The following GRID1 variants were observed in gnomAD, a reference collection of about 807,000 sequenced individuals.
GRID1 encodes the protein glutamate ionotropic receptor delta type subunit 1, also known as glutamate receptor ionotropic, delta-1.
GRID1 carries 28 observed loss-of-function variants against 98.0 expected under a neutral mutation model. The observed-to-expected ratio is 0.29, with a 90% CI of 0.21 to 0.39. The LOEUF is 0.39. GRID1 is among the 10% of genes least tolerant of loss of function. The pLI is 1.00. For missense variants in GRID1, 1,111 were observed against 1,340.5 expected (o/e 0.83, Z 2.67); for synonymous variants, 553 against 538.5 (o/e 1.03, Z -0.37).
At chr10:85,612,256 T>G (rs1842741157) in intron 15 of GRID1, among the ~76,000 whole-genome samples, 2 of 152,126 alleles carry the variant, frequency 1.3e-5, no homozygotes, top group African/African-American at 4.8e-5. Context: ...ACACACATGG[T>G]GGACCCAGCC....
chr10:86,104,797 G>C (rs903445409), intron 4 of GRID1, among the ~76,000 whole-genome samples: 4 of 152,182 alleles, frequency 2.6e-5, no homozygotes, highest in Admixed American at 2.0e-4. Context: ...ATTCAGCCTG[G>C]TATCTTATTC....
chr10:85,779,445 C>T (rs2132724410), intron 8 of GRID1, among the ~76,000 whole-genome samples: 1 of 152,256 alleles, frequency 6.6e-6, no homozygotes, highest in South Asian at 2.1e-4. Context: ...CCACTGGCTA[C>T]TGCATGCCAG....
chr10:85,724,922 C>A (rs1279216522), intron 10 of GRID1, among the ~76,000 whole-genome samples: 1 of 152,164 alleles, frequency 6.6e-6, no homozygotes, highest in East Asian at 1.9e-4. Flanking sequence ...AGAAAAGAGC[C>A]GAGTAAAGTA....
chr10:86,227,989 T>C (rs375643510), intron 2 of GRID1, among the ~76,000 whole-genome samples: 1 of 151,890 alleles, frequency 6.6e-6, no homozygotes, highest in African/African-American at 2.4e-5. Context: ...GGTGAATGGA[T>C]AGATCAACAG....
At chr10:86,162,532 G>A (rs1288731086) in intron 3 of GRID1, among the ~76,000 whole-genome samples, 1 of 152,172 alleles carries the variant, frequency 6.6e-6, no homozygotes, top group Non-Finnish European at 1.5e-5. Context: ...CCATGGATAA[G>A]GCACATAGTA....
chr10:86,136,198 G>A (rs892330780), intron 4 of GRID1, among the ~76,000 whole-genome samples: 63 of 152,236 alleles, frequency 4.1e-4, no homozygotes, highest in South Asian at 2.1e-4. Flanking sequence ...GCATTCCCAG[G>A]TGTTCCTAGG....
At chr10:86,131,000 C>T (rs1564684705) in intron 4 of GRID1, among the ~76,000 whole-genome samples, 1 of 151,582 alleles carries the variant, frequency 6.6e-6, no homozygotes, top group Non-Finnish European at 1.5e-5. Flanking sequence ...ACACGTCCTG[C>T]GAGTGGGGTC....
chr10:85,930,237 TTAACTACAAATAACTTGCGGTTATTTA>T (rs1373832921), intron 4 of GRID1, among the ~76,000 whole-genome samples: 21,239 of 139,672 alleles, frequency 0.15, 3,635 homozygotes, highest in African/African-American at 0.23. Context: ...GCGGTTATTT[TTAACTACAAATAACTTGCGGTTATTTA>T]TAACTACAAA....
chr10:86,060,656 C>T, intron 4 of GRID1, among the ~76,000 whole-genome samples: 1 of 152,202 alleles, frequency 6.6e-6, no homozygotes, highest in East Asian at 1.9e-4. Context: ...GGGCGCTGGC[C>T]TGGACTGGTT....
At chr10:85,717,573 C>G (rs1841654010) in intron 12 of GRID1, among the ~76,000 whole-genome samples, 2 of 152,152 alleles carry the variant, frequency 1.3e-5, no homozygotes, top group Non-Finnish European at 2.9e-5. Context: ...CTGGGAGATA[C>G]AATTCAAGCT....
intron 4 of GRID1, among the ~76,000 whole-genome samples, chr10:86,102,511 CTG>C (rs1844310943): frequency 6.6e-6 from 1 of 152,228 alleles, no homozygotes; most frequent in Admixed American, 6.5e-5. Context: ...ACAGGGAAAA[CTG>C]GGGCTGGTGT....
Position 85,613,555 on chromosome 10 carries a change from C to A in GRID1, c.2453G>T (p.Ser818Ile). 6.2e-7 allele frequency: 1 copy of A among 1,614,202 alleles called. No individual in the cohort carries two copies. The highest frequency in any genetic ancestry group is 8.5e-7 in the Non-Finnish European group (1 of 1,180,042). ...MGRCDLTSHA[S>I]AQADGKSLKL... is the part of the protein sequence containing the mutation. Reference sequence around the variant, plus strand: ...GAGGGATTTGCCGTCGGCCTGGGCGCTGGCATGGCTGGTGAGGTCACAGCG... The same window carrying A: ...GAGGGATTTGCCGTCGGCCTGGGCGATGGCATGGCTGGTGAGGTCACAGCG... Residue 818 changes from serine to isoleucine, a missense_variant, in exon 15 of 16, where the codon AGC becomes ATC. By Grantham distance (142) the Ser-to-Ile change is moderately radical. Coordinates refer to ENST00000327946, the MANE Select transcript of GRID1 (RefSeq NM_017551.3).
chr10:85,617,235 C>G (rs941496463), intron 14 of GRID1, among the ~76,000 whole-genome samples: 50 of 141,410 alleles, frequency 3.5e-4, no homozygotes, highest in Non-Finnish European at 5.7e-4. Context: ...GCCCCCCCCC[C>G]CTTTTATTTT....
intron 8 of GRID1, among the ~76,000 whole-genome samples, chr10:85,812,058 G>T (rs1842676617): frequency 6.6e-6 from 1 of 152,172 alleles, no homozygotes; most frequent in South Asian, 2.1e-4. Context: ...TATAGAAAGT[G>T]CTGAAAGAAA....
At chr10:85,697,569 C>T (rs1379168790) in intron 12 of GRID1, among the ~76,000 whole-genome samples, 1 of 152,056 alleles carries the variant, frequency 6.6e-6, no homozygotes, top group Non-Finnish European at 1.5e-5. Context: ...GAAGACTGGT[C>T]CTGTTCCTTT....
At chr10:85,694,733 T>C (rs992132151) in intron 12 of GRID1, among the ~76,000 whole-genome samples, 11 of 150,744 alleles carry the variant, frequency 7.3e-5, no homozygotes, top group Non-Finnish European at 1.3e-4. Flanking sequence ...TTCATTTTAG[T>C]TATAAGTGGG....
intron 5 of GRID1, among the ~76,000 whole-genome samples, chr10:85,875,298 G>C (rs1340536566): frequency 6.6e-6 from 1 of 152,006 alleles, no homozygotes; most frequent in Non-Finnish European, 1.5e-5. Flanking sequence ...GGTCTATTGT[G>C]TCTGATATTA....
chr10:86,241,544 C>A (rs536366577), intron 2 of GRID1, among the ~76,000 whole-genome samples: 3 of 152,258 alleles, frequency 2.0e-5, no homozygotes, highest in Admixed American at 6.5e-5. Flanking sequence ...AGAACTCCCC[C>A]CCACCGCTAT....
At chr10:86,207,229 G>A (rs1846039199) in intron 2 of GRID1, among the ~76,000 whole-genome samples, 1 of 152,196 alleles carries the variant, frequency 6.6e-6, no homozygotes, top group South Asian at 2.1e-4. Flanking sequence ...GAAACCCTAG[G>A]TCTTCTGGCC....
Sources: gnomAD v4.1 joint callset for allele counts (sites outside exome capture counted in the v4.1 genomes callset) on GRCh38, gnomAD v4.1.1 for gene constraint, MANE v1.5 for transcripts, NCBI Gene and HGNC (gene_info 2026-07-23, HGNC 2026-07-21) for gene names.